UGGT2: variants seen among roughly 807,000 people sequenced by gnomAD.
UGGT2 encodes the protein UDP-glucose glycoprotein glucosyltransferase 2.
Under a neutral mutation model 192.1 loss-of-function variants are expected in UGGT2, and 180 were observed. That is an observed-to-expected ratio of 0.94 (90% CI 0.83 to 1.06). The LOEUF is 1.06. Among genes scored for constraint, UGGT2 ranks in the 50% least tolerant of loss-of-function variants. UGGT2 has a pLI of 0.00. For synonymous variants in UGGT2, 580 were observed against 591.0 expected, an observed-to-expected ratio of 0.98 and a Z score of 0.27; for missense variants, 1,849 against 1,795.7, an observed-to-expected ratio of 1.03 and a Z score of -0.54.
intron 17 of UGGT2, among the ~76,000 whole-genome samples, chr13:95,933,584 T>A (rs2049360678): frequency 6.6e-6 from 1 of 152,220 alleles, no homozygotes; most frequent in South Asian, 2.1e-4. Context: ...AGTTATTTCT[T>A]TTCTTCTGCT....
intron 7 of UGGT2, among the ~76,000 whole-genome samples, chr13:95,995,688 T>A (rs1293171660): frequency 6.6e-6 from 1 of 152,088 alleles, no homozygotes; most frequent in Non-Finnish European, 1.5e-5. Flanking sequence ...AATGATGGAC[T>A]ATCCACAAGA....
intron 1 of UGGT2, among the ~76,000 whole-genome samples, chr13:96,047,104 C>A (rs1366256599): frequency 6.6e-6 from 1 of 152,210 alleles, no homozygotes; most frequent in Non-Finnish European, 1.5e-5. Context: ...CCCTGTCTGA[C>A]AGCTTTGAAG....
In UGGT2 at chr13:95,922,595, G is replaced by A. The variant is rs896586940; in HGVS notation, c.2295+3085C>T. Among the ~76,000 whole-genome samples, 3 of 152,190 alleles carry A rather than the reference G, an allele frequency of 2.0e-5. No individual in the cohort carries two copies. In the South Asian group the frequency reaches 6.2e-4, roughly 32 times the overall value. On this transcript the variant is annotated intron_variant, in intron 20 of 38. Coordinates refer to ENST00000376747, the MANE Select transcript of UGGT2 (RefSeq NM_020121.4). ...TCAGCACTTTGGGAAGCTGAGGCGA[G>A]TGGATCACTTGAACTCAGGAGTGTG...
At position 95,989,975 on chromosome 13, in the gene UGGT2, T is replaced by C. The variant is rs765005114; in HGVS notation, c.929A>G (p.Gln310Arg). 1.2e-6 allele frequency: 2 copies of C among 1,601,044 alleles called. No homozygotes were observed. The highest frequency in any genetic ancestry group is 1.1e-5 in the South Asian group (1 of 89,040). ...QMMPLKVWEL[Q>R]DLSFQAASQI... is the part of the protein sequence containing the mutation. Reference sequence around the variant, plus strand: ...TAAAGTATCTCAAAATACTATACCTTGTAGTTCCCAGACTTTCAAAGGCAT... The same window carrying C: ...TAAAGTATCTCAAAATACTATACCTCGTAGTTCCCAGACTTTCAAAGGCAT... Residue 310 changes from glutamine (Q) to arginine (R), a missense_variant and splice_region_variant, in exon 8 of 39, where the codon CAA becomes CGA. Physicochemically the swap from Gln to Arg is conservative, Grantham distance 43. Coordinates refer to ENST00000376747, the MANE Select transcript of UGGT2 (RefSeq NM_020121.4).
chr13:95,906,227 G>A (rs984374735), intron 20 of UGGT2, among the ~76,000 whole-genome samples: 9 of 152,020 alleles, frequency 5.9e-5, no homozygotes, highest in Admixed American at 1.3e-4. Flanking sequence ...TATTGTAAAC[G>A]GTATATTTAT....
At chr13:95,829,877 C>G (rs776386572) in intron 38 of UGGT2, among the ~76,000 whole-genome samples, 5 of 152,196 alleles carry the variant, frequency 3.3e-5, no homozygotes, top group Admixed American at 6.5e-5. Flanking sequence ...TGACTTTAAA[C>G]TACACTACAA....
At position 95,859,654 on chromosome 13, in the gene UGGT2, CA is replaced by C; in HGVS notation, c.3761del (p.Leu1254CysfsTer8). The C allele has an allele frequency of 6.2e-7, 1 of 1,609,252 alleles. No individual in the cohort carries two copies. The highest frequency in any genetic ancestry group is 8.5e-7 in the Non-Finnish European group (1 of 1,177,442). ...ATTTCACTGGTGTTTTGGTGTTACG[CA>C]AAACAGAAAGCATCATAATTCTGTA... ...RFLRIMMLSV[L>X]RNTKTPVKFW... On this transcript the variant is annotated frameshift_variant, in exon 33 of 39. Coordinates refer to ENST00000376747, the MANE Select transcript of UGGT2 (RefSeq NM_020121.4). LOFTEE classifies it high-confidence loss of function.
intron 38 of UGGT2, among the ~76,000 whole-genome samples, chr13:95,809,916 G>C (rs1228151080): frequency 6.6e-6 from 1 of 152,112 alleles, no homozygotes; most frequent in East Asian, 1.9e-4. Context: ...CTTTCTTATA[G>C]TAATCCTGCA....
At chr13:95,888,031 T>C in intron 25 of UGGT2, 60 bp from the exon 26 acceptor site, 1 of 1,165,880 alleles carries the variant, frequency 8.6e-7, no homozygotes, top group South Asian at 1.4e-5. Context: ...ATATTTATTA[T>C]GTATTTACTA....
At chr13:95,941,093 G>A (rs2049664601) in intron 15 of UGGT2, among the ~76,000 whole-genome samples, 1 of 152,182 alleles carries the variant, frequency 6.6e-6, no homozygotes, top group Non-Finnish European at 1.5e-5. Flanking sequence ...CTCTTGAGTA[G>A]ACGACTAAGC....
At chr13:95,827,800 C>G (rs1004826504) in intron 38 of UGGT2, among the ~76,000 whole-genome samples, 1 of 152,078 alleles carries the variant, frequency 6.6e-6, no homozygotes, top group African/African-American at 2.4e-5. Flanking sequence ...CATTTGCATC[C>G]CCATTGTTCT....
chr13:95,853,264 CA>C (rs1889237062), intron 36 of UGGT2, among the ~76,000 whole-genome samples: 1 of 152,066 alleles, frequency 6.6e-6, no homozygotes, highest in Admixed American at 6.5e-5. Flanking sequence ...TCTTTATTAG[CA>C]GTGAGAACGG....
chr13:95,851,779 C>T (rs1889076023), intron 36 of UGGT2, among the ~76,000 whole-genome samples: 1 of 152,166 alleles, frequency 6.6e-6, no homozygotes, highest in South Asian at 2.1e-4. Context: ...TAATGTAGTA[C>T]TGGGAGAACA....
chr13:96,036,857 C>T (rs1377676681), intron 1 of UGGT2, among the ~76,000 whole-genome samples: 3 of 151,524 alleles, frequency 2.0e-5, no homozygotes, highest in East Asian at 2.0e-4. Context: ...AGGTCTCAAG[C>T]GATCCTCCCA....
At position 95,987,182 on chromosome 13, in the gene UGGT2, T is replaced by C. The variant is rs995640845; in HGVS notation, c.932-750A>G. 4.6e-5 allele frequency among the ~76,000 whole-genome samples: 7 copies of C among 152,148 alleles called. No individual in the cohort carries two copies. In the South Asian group the frequency reaches 6.2e-4, roughly 13 times the overall value. On this transcript the variant is annotated intron_variant, in intron 8 of 38. Coordinates refer to ENST00000376747, the MANE Select transcript of UGGT2 (RefSeq NM_020121.4). ...ATCAACCTTTCAACACTAGTCTCAT[T>C]ATTTCTGAGTCCCATATTCAGCCCC... is the stretch of plus-strand genomic sequence containing the variant.
chr13:95,982,624 A>G (rs1319974848), intron 10 of UGGT2, among the ~76,000 whole-genome samples: 44 of 152,072 alleles, frequency 2.9e-4, no homozygotes, highest in Admixed American at 2.9e-3. Context: ...CCGAATTCCC[A>G]TTCAGGTGCC....
At chr13:95,901,062 T>A (rs1465438914) in intron 21 of UGGT2, 124 bp from the exon 22 acceptor site, 5 of 737,148 alleles carry the variant, frequency 6.8e-6, no homozygotes, top group Non-Finnish European at 9.1e-6. Flanking sequence ...TTATTTGGTA[T>A]AATTTTCTTT....
At chr13:95,881,626 G>T (rs1328485871) in intron 27 of UGGT2, among the ~76,000 whole-genome samples, 2 of 152,096 alleles carry the variant, frequency 1.3e-5, no homozygotes, top group African/African-American at 4.8e-5. Context: ...AATTATTTAT[G>T]TTTCAGAGGG....
chr13:95,860,751 TTC>T (rs778930335), intron 32 of UGGT2, 35 bp downstream of exon 32: 93 of 1,327,902 alleles, frequency 7.0e-5, no homozygotes, highest in Non-Finnish European at 8.9e-5. Flanking sequence ...ATGTAAATAT[TTC>T]TTTTTCAAAA....
Sources: allele counts gnomAD v4.1 joint callset (sites outside exome capture counted in the v4.1 genomes callset), GRCh38; gene constraint gnomAD v4.1.1; transcripts MANE v1.5; gene names NCBI Gene and HGNC (gene_info 2026-07-23, HGNC 2026-07-21).